RFTN1: variants seen among roughly 807,000 people sequenced by gnomAD.
The protein encoded by RFTN1 is raftlin, lipid raft linker 1.
Under a neutral mutation model 46.5 loss-of-function variants are expected in RFTN1, and 26 were observed. The ratio of observed to expected loss-of-function variants is 0.56; its 90% CI spans 0.41 to 0.78. RFTN1 has a LOEUF of 0.78. Among genes scored for constraint, RFTN1 ranks in the 30% least tolerant of loss-of-function variants. The pLI is 0.00. For missense variants in RFTN1, 693 were observed against 718.7 expected, an observed-to-expected ratio of 0.96 and a Z score of 0.41; for synonymous variants, 261 against 284.2, an observed-to-expected ratio of 0.92 and a Z score of 0.82.
At chr3:16,364,311 T>TA (rs2073017080) in intron 6 of RFTN1, among the ~76,000 whole-genome samples, 1 of 152,232 alleles carries the variant, frequency 6.6e-6, no homozygotes, top group African/African-American at 2.4e-5. Flanking sequence ...TGTCATTCCC[T>TA]TTTAGTGGGT....
chr3:16,421,988 C>T lies in RFTN1; in HGVS notation c.332+11863G>A, dbSNP rs1392419901. On this transcript the variant is annotated intron_variant, in intron 3 of 9. Transcript: ENST00000334133. The surrounding 1 kb of genome is among the most constrained non-coding windows in gnomAD (Gnocchi z 4.6). ...CACCAAGCCAGGACACCACCTTCAA[C>T]CTGAATGCTAAATATTATGACACAT... 6.6e-6 allele frequency among the ~76,000 whole-genome samples: 1 copy of T among 152,072 alleles called. No individual in the cohort carries two copies. The highest frequency in any genetic ancestry group is 1.5e-5 in the Non-Finnish European group (1 of 68,018).
chr3:16,468,787 G>T lies in RFTN1; in HGVS notation c.145+24938C>A, dbSNP rs1387111896. ...AAGATGACTTATAAGAGGCCCTGGT[G>T]CCCCAGTACAATGGAGCAATTAAAT... On this transcript the variant is annotated intron_variant, in intron 2 of 9. Transcript: ENST00000334133. This position sits in a 1 kb window ranked among gnomAD's most constrained non-coding sequence, Gnocchi z 4.4. 6.6e-6 allele frequency among the ~76,000 whole-genome samples: 1 copy of T among 152,166 alleles called. No individual in the cohort carries two copies. The highest frequency in any genetic ancestry group is 1.5e-5 in the Non-Finnish European group (1 of 68,034).
At chr3:16,511,690 G>A (rs971251323) in intron 1 of RFTN1, among the ~76,000 whole-genome samples, 1 of 151,832 alleles carries the variant, frequency 6.6e-6, no homozygotes, top group Non-Finnish European at 1.5e-5. Context: ...TAGCTTTACA[G>A]GAACTCACAT....
At chr3:16,434,404 AAACC>A (rs1559345430) in intron 2 of RFTN1, among the ~76,000 whole-genome samples, 17 of 116,750 alleles carry the variant, frequency 1.5e-4, no homozygotes, top group African/African-American at 4.0e-4. Context: ...AAAAACAAAA[AAACC>A]CCCTCAAAAT....
At chr3:16,319,554 C>T (rs2068808992) in intron 9 of RFTN1, among the ~76,000 whole-genome samples, 1 of 152,178 alleles carries the variant, frequency 6.6e-6, no homozygotes. Context: ...AGGACAATTC[C>T]ACCACGTGCT....
chr3:16,499,735 G>T lies in RFTN1; in HGVS notation c.-8-5858C>A, dbSNP rs2076681177. ...TGCCGCCTCCTTGGCACCTGCTGAAGTTGGCCTGCTTTTAAGGTCCCTGTT... is the reference window on the plus strand; with the variant it reads ...TGCCGCCTCCTTGGCACCTGCTGAATTTGGCCTGCTTTTAAGGTCCCTGTT... On this transcript the variant is annotated intron_variant, in intron 1 of 9. Transcript: ENST00000334133. The surrounding 1 kb of genome is among the most constrained non-coding windows in gnomAD (Gnocchi z 4.9). Among the ~76,000 whole-genome samples the T allele has an allele frequency of 6.6e-6, 1 of 152,216 alleles. No homozygotes were observed. Among genetic ancestry groups the T allele is most frequent in the Admixed American group, 6.5e-5 (1 of 15,282 alleles).
At position 16,433,919 on chromosome 3, in the gene RFTN1, G is replaced by T. The variant is rs139816101; in HGVS notation, c.264C>A (p.Pro88=). ...GGGGCGTCTTCTCCCGCTCATGGGT[G>T]GGCTGCACGAAGGGGTGCAGGGCCG... ...SLAALHPFVQ[P]THEREKTPLE... The change falls in exon 3 of 10, where the codon CCC becomes CCA. Residue 88 remains proline, a synonymous_variant. Transcript: ENST00000334133. The surrounding 1 kb of genome is among the most constrained non-coding windows in gnomAD (Gnocchi z 4.4). 3 of 1,614,048 alleles carry T rather than the reference G, an allele frequency of 1.9e-6. No individual in the cohort carries two copies. The highest frequency in any genetic ancestry group is 1.3e-5 in the African/African-American group (1 of 74,902).
At chr3:16,389,667 C>T (rs752784742) in intron 4 of RFTN1, among the ~76,000 whole-genome samples, 42 of 152,246 alleles carry the variant, frequency 2.8e-4, no homozygotes, top group Non-Finnish European at 5.1e-4. Flanking sequence ...GAAGAATGAA[C>T]CAGAAATGAA....
chr3:16,454,676 A>T, intron 2 of RFTN1: 1 of 744,666 alleles, frequency 1.3e-6, no homozygotes. Flanking sequence ...CTAACTGCTT[A>T]GAGAATTCCT....
rs1178787025 is a variant in RFTN1, at chr3:16,507,475, AC to A, written c.-9+5966del. Reference sequence around the variant, plus strand: ...GAGTCTATGATTAACCAAATCTCTTACCCAACTTTCTGAGTAAAATCTATTA... The same window carrying A: ...GAGTCTATGATTAACCAAATCTCTTACCAACTTTCTGAGTAAAATCTATTA... On this transcript the variant is annotated intron_variant, in intron 1 of 9. Coordinates refer to ENST00000334133, the MANE Select transcript of RFTN1 (RefSeq NM_015150.2). The surrounding 1 kb of genome is among the most constrained non-coding windows in gnomAD (Gnocchi z 7.1). Among the ~76,000 whole-genome samples, 1 of 152,160 alleles carries A rather than the reference AC, an allele frequency of 6.6e-6. No individual in the cohort carries two copies. The highest frequency in any genetic ancestry group is 1.5e-5 in the Non-Finnish European group (1 of 68,032).
chr3:16,343,741 G>C (rs1048734115), intron 7 of RFTN1, among the ~76,000 whole-genome samples: 5 of 152,316 alleles, frequency 3.3e-5, no homozygotes, highest in Middle Eastern at 3.4e-3. Context: ...CAACACAAAA[G>C]GAACTAATGT....
chr3:16,378,852 G>C (rs565878607), intron 4 of RFTN1, among the ~76,000 whole-genome samples: 23 of 152,288 alleles, frequency 1.5e-4, no homozygotes, highest in Admixed American at 1.2e-3. Flanking sequence ...CCAACGGGAT[G>C]GGGGATGAAC....
At chr3:16,477,164 T>G (rs2076295236) in intron 2 of RFTN1, among the ~76,000 whole-genome samples, 1 of 152,138 alleles carries the variant, frequency 6.6e-6, no homozygotes, top group Admixed American at 6.5e-5. Flanking sequence ...CATGGTTGTT[T>G]CTTTAATGGG....
chr3:16,392,759 G>T lies in RFTN1; in HGVS notation c.442-14657C>A, dbSNP rs572880088. Among the ~76,000 whole-genome samples the T allele has an allele frequency of 2.6e-5, 4 of 152,142 alleles. No homozygotes were observed. In the South Asian group the frequency reaches 8.3e-4, roughly 32 times the overall value. ...AAATTCCATATTTGTAAATGAGTCT[G>T]CTGGGACGTATGAAGCATTAACAGG... On this transcript the variant is annotated intron_variant, in intron 4 of 9. Transcript: ENST00000334133.
At position 16,404,371 on chromosome 3, in the gene RFTN1, A is replaced by AAT. The variant is rs1264802753; in HGVS notation, c.441+5002_441+5003dup. On this transcript the variant is annotated intron_variant, in intron 4 of 9. Coordinates refer to ENST00000334133, the MANE Select transcript of RFTN1 (RefSeq NM_015150.2). ...TATATAATATATATACACAATATAT[A>AAT]ATATATATAATATATAATATATATA... Among the ~76,000 whole-genome samples, 9 of 22,226 alleles carry AAT rather than the reference A, an allele frequency of 4.0e-4. 3 individuals carry two copies. Among genetic ancestry groups the AAT allele is most frequent in the African/African-American group, 6.3e-4 (2 of 3,188 alleles). The allele number at this position is 22,226 out of a possible 152,430, so 14.6% of individuals were successfully genotyped here.
rs369488213 is a variant in RFTN1 at position 16,427,684 on chromosome 3, G to A, written c.332+6167C>T. ...ACTGGAGGAATCTGTTCTAGAACAA[G>A]GACTGCAGTAGCCTTGGCTAAGTCA... On this transcript the variant is annotated intron_variant, in intron 3 of 9. Transcript: ENST00000334133. The surrounding 1 kb of genome is among the most constrained non-coding windows in gnomAD (Gnocchi z 5.4). 5.3e-5 allele frequency among the ~76,000 whole-genome samples: 8 copies of A among 152,196 alleles called. 1 individual carries two copies. In the East Asian group the frequency reaches 5.8e-4, roughly 11 times the overall value.
intron 1 of RFTN1, 80 bp from the exon 2 acceptor site, chr3:16,493,957 G>T: frequency 6.7e-7 from 1 of 1,502,014 alleles, no homozygotes; most frequent in Non-Finnish European, 9.1e-7. Context: ...AAAAGATGCC[G>T]TAATTTTCCT....
rs1487743414 is a variant in RFTN1, at chr3:16,427,749, C to T, written c.332+6102G>A. Among the ~76,000 whole-genome samples the T allele has an allele frequency of 6.6e-6, 1 of 152,198 alleles. No individual in the cohort carries two copies. Among genetic ancestry groups the T allele is most frequent in the African/African-American group, 2.4e-5 (1 of 41,452 alleles). On this transcript the variant is annotated intron_variant, in intron 3 of 9. Transcript: ENST00000334133. This position sits in a 1 kb window ranked among gnomAD's most constrained non-coding sequence, Gnocchi z 5.4. ...GGGCCCTGGCCTGAGGGGCTCATTA[C>T]AGCACCACACACAGCCTCCTCCAGG...
chr3:16,398,152 C>G (rs368068321), intron 4 of RFTN1, among the ~76,000 whole-genome samples: 18 of 148,642 alleles, frequency 1.2e-4, no homozygotes, highest in East Asian at 4.0e-4. Flanking sequence ...GAGGCTGAGG[C>G]AGGAGAATGG....
Sources: gnomAD v4.1 joint callset for allele counts (sites outside exome capture counted in the v4.1 genomes callset) on GRCh38, gnomAD v4.1.1 for gene constraint, Gnocchi (gnomAD v3.1) non-coding constraint, MANE v1.5 for transcripts, NCBI Gene and HGNC (gene_info 2026-07-23, HGNC 2026-07-21) for gene names.